SGF29: variants seen among roughly 807,000 people sequenced by gnomAD.
The protein encoded by SGF29 is SAGA complex associated factor 29.
Under a neutral mutation model 38.1 loss-of-function variants are expected in SGF29, and 15 were observed. That is an observed-to-expected ratio of 0.39 (90% confidence interval 0.26 to 0.61). The LOEUF (loss-of-function observed/expected upper bound fraction) is 0.61, where lower values mean the gene tolerates loss of function less well. Among genes scored for constraint, SGF29 ranks in the 20% least tolerant of loss-of-function variants. The pLI is 0.49. For missense variants in SGF29, 184 were observed against 394.6 expected, an observed-to-expected ratio of 0.47 and a Z score of 4.52; for synonymous variants, 151 against 160.8, an observed-to-expected ratio of 0.94 and a Z score of 0.46.
intron 3 of SGF29, chr16:28,585,280 CA>C: frequency 2.0e-6 from 1 of 507,736 alleles, no homozygotes. Flanking sequence ...GCTTCCTTCC[CA>C]GGCGGCCCCT....
At chr16:28,584,658 G>A (rs929870384) in intron 2 of SGF29, among the ~76,000 whole-genome samples, 9 of 151,992 alleles carry the variant, frequency 5.9e-5, no homozygotes, top group African/African-American at 1.2e-4. Flanking sequence ...GCGTGGTGGC[G>A]GGCGCCTGTA....
Position 28,585,843 on chromosome 16 carries a change from CCT to C in SGF29, c.224+127_224+128del, listed in dbSNP as rs1426991609. 82 of 897,370 alleles carry C rather than the reference CCT, an allele frequency of 9.1e-5. 1 individual carries two copies. The East Asian group carries it at 2.1e-3, about 23-fold the overall frequency. The allele number at this position is 897,370 out of a possible 1,614,324, so 55.6% of individuals were successfully genotyped here. On this transcript the variant is annotated intron_variant, in intron 4 of 9. Coordinates refer to ENST00000317058, the MANE Select transcript of SGF29 (RefSeq NM_138414.3). ...TGGATAAGCTGATTGCTACTCCCAG[CCT>C]CTCGCTTGGGTCCCGCATTCCCTGG...
intron 1 of SGF29, among the ~76,000 whole-genome samples, chr16:28,562,654 C>T (rs2046796589): frequency 6.6e-6 from 1 of 152,026 alleles, no homozygotes; most frequent in South Asian, 2.1e-4. Context: ...GTCATCCCAG[C>T]ACTTTAAGGA....
chr16:28,569,076 G>A (rs1012830885), intron 1 of SGF29, among the ~76,000 whole-genome samples: 7 of 151,824 alleles, frequency 4.6e-5, no homozygotes, highest in Non-Finnish European at 5.9e-5. Context: ...CAACAAGAGC[G>A]AAACTCTGTC....
chr16:28,576,464 G>A (rs564081107), intron 1 of SGF29, among the ~76,000 whole-genome samples: 1 of 152,132 alleles, frequency 6.6e-6, no homozygotes, highest in African/African-American at 2.4e-5. Flanking sequence ...ACTTTGGGAG[G>A]TCAAGGCAGG....
chr16:28,586,328 T>C (rs573437648), intron 4 of SGF29, among the ~76,000 whole-genome samples: 8 of 151,800 alleles, frequency 5.3e-5, no homozygotes, highest in Admixed American at 5.2e-4. Context: ...CACCTGAGGT[T>C]GGGGGTTTGA....
chr16:28,573,836 G>C (rs1278676958), intron 1 of SGF29, among the ~76,000 whole-genome samples: 2 of 152,108 alleles, frequency 1.3e-5, no homozygotes, highest in African/African-American at 4.8e-5. Flanking sequence ...CAGTATCAAG[G>C]ATATTGAGGA....
At chr16:28,578,080 C>G (rs879312332) in intron 1 of SGF29, among the ~76,000 whole-genome samples, 2 of 151,782 alleles carry the variant, frequency 1.3e-5, no homozygotes, top group Non-Finnish European at 2.9e-5. Flanking sequence ...GTCTGGACCC[C>G]TGGCTGCAAG....
At chr16:28,573,312 AGAG>A (rs2151647543) in intron 1 of SGF29, among the ~76,000 whole-genome samples, 1 of 152,286 alleles carries the variant, frequency 6.6e-6, no homozygotes, top group Admixed American at 6.5e-5. Flanking sequence ...CCCTGAAGCC[AGAG>A]GAGAAGGGAG....
chr16:28,569,657 G>GA (rs923178303), intron 1 of SGF29, among the ~76,000 whole-genome samples: 4 of 150,584 alleles, frequency 2.7e-5, no homozygotes, highest in African/African-American at 7.3e-5. Context: ...GTCTCAAAAA[G>GA]AAAAAAAAAG....
Position 28,564,747 on chromosome 16 carries a change from ATATATATGTATATATG to A in SGF29, c.-16+10658_-16+10673del, listed in dbSNP as rs1320403575. Among the ~76,000 whole-genome samples, 10 of 1,240 alleles carry A rather than the reference ATATATATGTATATATG, an allele frequency of 8.1e-3. No homozygotes were observed. The East Asian group carries it at 0.083, about 10-fold the overall frequency. 0.8% of individuals were successfully genotyped at this position (1,240 alleles called of 152,430 possible). On this transcript the variant is annotated intron_variant, in intron 1 of 9. Coordinates refer to ENST00000317058, the MANE Select transcript of SGF29 (RefSeq NM_138414.3). Reference sequence around the variant, plus strand: ...TATATACATATATATGTATATATGTATATATATGTATATATGTATATATATGTATATATATATATAC... The same window carrying A: ...TATATACATATATATGTATATATGTATATATATATGTATATATATATATAC...
chr16:28,568,652 C>T (rs756960710), intron 1 of SGF29, among the ~76,000 whole-genome samples: 2 of 152,036 alleles, frequency 1.3e-5, no homozygotes, highest in East Asian at 1.9e-4. Context: ...CAGTGGCTCA[C>T]GCCTGTAATG....
intron 1 of SGF29, among the ~76,000 whole-genome samples, chr16:28,579,259 T>C (rs996600872): frequency 1.2e-3 from 167 of 140,368 alleles, no homozygotes; most frequent in African/African-American, 4.3e-3. Context: ...CTAATTATCT[T>C]TTTTTTTTTT....
chr16:28,556,767 C>T (rs1048309448), intron 1 of SGF29, among the ~76,000 whole-genome samples: 5 of 152,142 alleles, frequency 3.3e-5, no homozygotes, highest in African/African-American at 1.2e-4. Flanking sequence ...CCATAGCCTC[C>T]TGAGTAGCTA....
intron 1 of SGF29, among the ~76,000 whole-genome samples, chr16:28,566,615 C>T (rs1008157466): frequency 6.6e-6 from 1 of 151,892 alleles, no homozygotes. Flanking sequence ...CATGGTGAAA[C>T]CTCATCTCTA....
intron 1 of SGF29, among the ~76,000 whole-genome samples, chr16:28,573,175 A>C (rs536145444): frequency 6.6e-6 from 1 of 151,992 alleles, no homozygotes; most frequent in Non-Finnish European, 1.5e-5. Context: ...ACGGATGTAC[A>C]GATTGGGAGA....
Position 28,563,763 on chromosome 16 carries a change from C to T in SGF29, c.-16+9666C>T, listed in dbSNP as rs573004987. ...TGAGACAGAGTCTTGCTCTGTCACC[C>T]AGGCTGGAGTGCAGTGGCGTAATCT... On this transcript the variant is annotated intron_variant, in intron 1 of 9. Transcript: ENST00000317058. Among the ~76,000 whole-genome samples the T allele has an allele frequency of 6.2e-5, 9 of 145,738 alleles. No individual in the cohort carries two copies. The South Asian group carries it at 2.0e-3, about 32-fold the overall frequency.
intron 1 of SGF29, among the ~76,000 whole-genome samples, chr16:28,578,652 G>A (rs1478621300): frequency 1.3e-5 from 2 of 148,862 alleles, no homozygotes; most frequent in Non-Finnish European, 3.0e-5. Flanking sequence ...TCTGATCTCT[G>A]TGAGTAGGAG....
At chr16:28,576,213 CAT>C (rs1430697842) in intron 1 of SGF29, among the ~76,000 whole-genome samples, 1 of 151,850 alleles carries the variant, frequency 6.6e-6, no homozygotes, top group African/African-American at 2.4e-5. Context: ...GAAATGAAAA[CAT>C]GTCATGAATA....
Sources: allele counts gnomAD v4.1 joint callset (sites outside exome capture counted in the v4.1 genomes callset), GRCh38; gene constraint gnomAD v4.1.1; transcripts MANE v1.5; gene names NCBI Gene and HGNC (gene_info 2026-07-23, HGNC 2026-07-21).